The following CPEB3 variants were observed in gnomAD, a reference collection of about 807,000 sequenced individuals.
The protein encoded by CPEB3 is cytoplasmic polyadenylation element-binding protein 3.
In CPEB3, 20 loss-of-function variants were observed where a neutral mutation model predicts 67.2. The ratio of observed to expected loss-of-function variants is 0.30; its 90% CI spans 0.21 to 0.43. The LOEUF (loss-of-function observed/expected upper bound fraction) is 0.43, where lower values mean the gene tolerates loss of function less well. CPEB3 is among the 20% of genes least tolerant of loss of function. CPEB3 has a pLI of 1.00. For synonymous variants in CPEB3, 376 were observed against 393.1 expected (o/e 0.96, Z 0.51); for missense variants, 746 against 968.6 (o/e 0.77, Z 3.05).
intron 2 of CPEB3, among the ~76,000 whole-genome samples, chr10:92,227,725 G>C (rs948518783): frequency 2.6e-5 from 4 of 151,522 alleles, no homozygotes; most frequent in Non-Finnish European, 5.9e-5. Context: ...CCGAGTAGCT[G>C]GGACTACAGG....
chr10:92,096,313 T>C (rs1843876090), intron 7 of CPEB3, among the ~76,000 whole-genome samples: 1 of 152,154 alleles, frequency 6.6e-6, no homozygotes, highest in South Asian at 2.1e-4. Context: ...TATGGGAGGA[T>C]GCACATAGGT....
Position 92,270,165 on chromosome 10 carries a change from G to T in CPEB3, c.-12+20761C>A, listed in dbSNP as rs1185898433. Among the ~76,000 whole-genome samples, 5 of 152,256 alleles carry T rather than the reference G, an allele frequency of 3.3e-5. No homozygotes were observed. The East Asian group carries it at 9.7e-4, about 29-fold the overall frequency. ...AAGATAAATTTCCTCTATCTCTTAT[G>T]GACATTAATTTCAAGTGAATAAGAG... On this transcript the variant is annotated intron_variant, in intron 1 of 9. Coordinates refer to ENST00000265997, the MANE Select transcript of CPEB3 (RefSeq NM_014912.5).
Position 92,048,057 on chromosome 10 carries a change from T to C in CPEB3, c.*4155A>G, listed in dbSNP as rs1353892581. The C allele has an allele frequency of 6.6e-6, 1 of 152,214 alleles. No individual in the cohort carries two copies. The highest frequency in any genetic ancestry group is 2.4e-5 in the African/African-American group (1 of 41,386). The allele number at this position is 152,214 out of a possible 1,614,324, so 9.4% of individuals were successfully genotyped here. ...CAGATCATGCACGCAGTTGCCACAA[T>C]GAAAGGCAAGGGGCACCAGAACAGG... On this transcript the variant is annotated 3_prime_UTR_variant, in exon 10 of 10. Coordinates refer to ENST00000265997, the MANE Select transcript of CPEB3 (RefSeq NM_014912.5). The surrounding 1 kb of genome is among the most constrained non-coding windows in gnomAD (Gnocchi z 4.1).
chr10:92,184,020 CT>C (rs1848577979), intron 3 of CPEB3, among the ~76,000 whole-genome samples: 1 of 152,170 alleles, frequency 6.6e-6, no homozygotes. Flanking sequence ...TACATGGATC[CT>C]TTTTGACCCT....
At chr10:92,258,100 T>C (rs1282586232) in intron 1 of CPEB3, among the ~76,000 whole-genome samples, 2 of 150,626 alleles carry the variant, frequency 1.3e-5, no homozygotes, top group African/African-American at 4.9e-5. Context: ...TTTTTTTCTT[T>C]CCTTTTTTTT....
intron 2 of CPEB3, among the ~76,000 whole-genome samples, chr10:92,203,524 A>T (rs1564863432): frequency 9.0e-6 from 1 of 110,892 alleles, no homozygotes; most frequent in African/African-American, 3.7e-5. Context: ...ATATATATAT[A>T]TATATTTTTT....
chr10:92,155,021 C>T (rs1009097951), intron 4 of CPEB3, among the ~76,000 whole-genome samples: 9 of 152,170 alleles, frequency 5.9e-5, no homozygotes, highest in African/African-American at 2.2e-4. Context: ...CCAGCCTAGC[C>T]AATATGGTGA....
chr10:92,223,731 G>C (rs980470728), intron 2 of CPEB3, among the ~76,000 whole-genome samples: 2 of 147,548 alleles, frequency 1.4e-5, no homozygotes, highest in East Asian at 3.9e-4. Flanking sequence ...CTGTCACCAC[G>C]CCTGGTTAAT....
chr10:92,063,374 G>A lies in CPEB3; in HGVS notation c.1870-10935C>T, dbSNP rs184921002. On this transcript the variant is annotated intron_variant, in intron 9 of 9. Coordinates refer to ENST00000265997, the MANE Select transcript of CPEB3 (RefSeq NM_014912.5). ...GAAAGGAGGCATTGGCCAAGGTCAGGCTAAGTTTGAGTTATGTACTAAAAG... is the reference window on the plus strand; with the variant it reads ...GAAAGGAGGCATTGGCCAAGGTCAGACTAAGTTTGAGTTATGTACTAAAAG... 1.8e-3 allele frequency among the ~76,000 whole-genome samples: 277 copies of A among 152,302 alleles called. 1 individual carries two copies. The highest frequency in any genetic ancestry group is 6.5e-3 in the African/African-American group (269 of 41,562).
At chr10:92,184,432 A>G (rs1018151177) in intron 3 of CPEB3, among the ~76,000 whole-genome samples, 1 of 152,084 alleles carries the variant, frequency 6.6e-6, no homozygotes, top group African/African-American at 2.4e-5. Flanking sequence ...GTGAAACCCC[A>G]TCTCTACTAA....
At chr10:92,236,278 T>A (rs1464583507) in intron 2 of CPEB3, among the ~76,000 whole-genome samples, 1 of 152,194 alleles carries the variant, frequency 6.6e-6, no homozygotes, top group Non-Finnish European at 1.5e-5. Flanking sequence ...TAGCTAGAAC[T>A]GTAGGACCTG....
intron 6 of CPEB3, among the ~76,000 whole-genome samples, chr10:92,117,943 T>G (rs1168536536): frequency 6.6e-6 from 1 of 152,148 alleles, no homozygotes; most frequent in East Asian, 1.9e-4. Context: ...AAAATGAAGC[T>G]TGGAGAGGTT....
intron 2 of CPEB3, among the ~76,000 whole-genome samples, chr10:92,228,019 T>C (rs2134521796): frequency 6.6e-6 from 1 of 152,344 alleles, no homozygotes; most frequent in South Asian, 2.1e-4. Context: ...TCTGAGTAGC[T>C]GGGACTACAG....
At position 92,052,190 on chromosome 10, in the gene CPEB3, T is replaced by G; in HGVS notation, c.*22A>C. ...CCTCCTTGTTATCTACTCCAGTACT[T>G]GTGGCTGGGTCGGCCCGTGGCTCAG... On this transcript the variant is annotated 3_prime_UTR_variant, in exon 10 of 10. Transcript: ENST00000265997. 1 of 1,573,118 alleles carries G rather than the reference T, an allele frequency of 6.4e-7. No individual in the cohort carries two copies.
intron 9 of CPEB3, among the ~76,000 whole-genome samples, chr10:92,055,384 T>G (rs1390219606): frequency 6.6e-6 from 1 of 152,206 alleles, no homozygotes. Context: ...AACATATACC[T>G]CAAGTTATTC....
rs1413505323 is a variant in CPEB3, at chr10:92,061,441, A to AC, written c.1870-9003_1870-9002insG. ...TCTCAAAAAAAAAAAAAAAAAAAAA[A>AC]AACATATGAATAGATAAAGCAAATG... On this transcript the variant is annotated intron_variant, in intron 9 of 9. Transcript: ENST00000265997. 1.9e-4 allele frequency among the ~76,000 whole-genome samples: 27 copies of AC among 140,736 alleles called. 1 individual carries two copies. The highest frequency in any genetic ancestry group is 2.2e-4 in the South Asian group (1 of 4,472). 92.3% of individuals were successfully genotyped at this position (140,736 alleles called of 152,430 possible). A position where few individuals can be genotyped will look rare whatever the true frequency, so the allele number is the denominator to read the frequency against.
intron 2 of CPEB3, among the ~76,000 whole-genome samples, chr10:92,215,906 C>T (rs1850355509): frequency 6.7e-6 from 1 of 150,114 alleles, no homozygotes; most frequent in African/African-American, 2.4e-5. Context: ...CGTGCCACCA[C>T]ATGCAGCTAA....
intron 4 of CPEB3, among the ~76,000 whole-genome samples, chr10:92,174,332 T>A (rs1848132820): frequency 1.3e-5 from 2 of 152,246 alleles, no homozygotes; most frequent in African/African-American, 4.8e-5. Context: ...ACATTGCCTC[T>A]TTTGATTCCA....
intron 3 of CPEB3, among the ~76,000 whole-genome samples, chr10:92,181,367 CAAAAAAAAA>C (rs55896574): frequency 4.8e-4 from 46 of 95,424 alleles, no homozygotes; most frequent in African/African-American, 1.1e-3. Flanking sequence ...ATTCAAGCAG[CAAAAAAAAA>C]AAAAAAAAAA....
Sources: allele counts gnomAD v4.1 joint callset (sites outside exome capture counted in the v4.1 genomes callset), GRCh38; gene constraint gnomAD v4.1.1; non-coding constraint Gnocchi (gnomAD v3.1); transcripts MANE v1.5; gene names NCBI Gene and HGNC (gene_info 2026-07-23, HGNC 2026-07-21).